Variants in SNTB1 observed in about 807,000 individuals in gnomAD.
SNTB1 encodes the protein beta-1-syntrophin.
Under a neutral mutation model 48.9 loss-of-function variants are expected in SNTB1, and 36 were observed. That is an observed-to-expected ratio of 0.74 (90% CI 0.56 to 0.97). The LOEUF is 0.97. Ranked by LOEUF, SNTB1 falls within the 50% of genes least tolerant of loss-of-function variation. The probability of loss-of-function intolerance (pLI) is 0.00; values close to 1 mark genes in which losing one functional copy is unlikely to be tolerated. For synonymous variants in SNTB1, 299 were observed against 294.6 expected, an observed-to-expected ratio of 1.01 and a Z score of -0.15; for missense variants, 786 against 703.4, an observed-to-expected ratio of 1.12 and a Z score of -1.33.
chr8:120,542,864 A>G (rs1815314831), intron 5 of SNTB1, among the ~76,000 whole-genome samples: 1 of 152,138 alleles, frequency 6.6e-6, no homozygotes, highest in South Asian at 2.1e-4. Flanking sequence ...TAGTATAAAA[A>G]ATCTCTTTTT....
chr8:120,764,237 A>G (rs1271841109), intron 1 of SNTB1, among the ~76,000 whole-genome samples: 4 of 152,238 alleles, frequency 2.6e-5, no homozygotes, highest in Non-Finnish European at 5.9e-5. Context: ...ATATCCATGC[A>G]ATGATATACT....
At chr8:120,720,195 T>C (rs899307605) in intron 1 of SNTB1, among the ~76,000 whole-genome samples, 1 of 152,154 alleles carries the variant, frequency 6.6e-6, no homozygotes, top group African/African-American at 2.4e-5. Flanking sequence ...GGCAGCCCAA[T>C]CCTGAGCATA....
At chr8:120,796,524 T>C (rs1820122467) in intron 1 of SNTB1, among the ~76,000 whole-genome samples, 1 of 151,462 alleles carries the variant, frequency 6.6e-6, no homozygotes, top group Non-Finnish European at 1.5e-5. Flanking sequence ...AGGTCTGGAG[T>C]TAAAAACTGA....
intron 1 of SNTB1, among the ~76,000 whole-genome samples, chr8:120,715,666 T>C (rs1037028096): frequency 6.6e-6 from 1 of 152,208 alleles, no homozygotes; most frequent in African/African-American, 2.4e-5. Flanking sequence ...CTGAGACAGT[T>C]ACTTAGCACA....
rs1264298484 is a variant in SNTB1, at chr8:120,607,867, A to C, written c.996+24577T>G. Among the ~76,000 whole-genome samples the C allele has an allele frequency of 2.6e-5, 4 of 152,224 alleles. No individual in the cohort carries two copies. In the East Asian group the frequency reaches 7.7e-4, roughly 29 times the overall value. ...ATGTTGTAACTGATGTCCACACTTA[A>C]GTCTGGACCCTTGAAAGAATGCACA... On this transcript the variant is annotated intron_variant, in intron 3 of 6. Coordinates refer to ENST00000517992, the MANE Select transcript of SNTB1 (RefSeq NM_021021.4).
intron 4 of SNTB1, among the ~76,000 whole-genome samples, chr8:120,560,946 G>A (rs115722812): frequency 0.016 from 2,451 of 152,110 alleles, 64 homozygotes; most frequent in African/African-American, 0.057. Context: ...TTGAACCCAC[G>A]GCTATATGAC....
intron 2 of SNTB1, among the ~76,000 whole-genome samples, chr8:120,678,827 C>G (rs988410528): frequency 6.6e-6 from 1 of 152,042 alleles, no homozygotes; most frequent in Non-Finnish European, 1.5e-5. Flanking sequence ...TTGCTCTGTG[C>G]TCCAAGAGGT....
chr8:120,736,257 C>T (rs986196371), intron 1 of SNTB1, among the ~76,000 whole-genome samples: 47 of 152,108 alleles, frequency 3.1e-4, no homozygotes, highest in African/African-American at 1.1e-3. Flanking sequence ...TGGGGATTAC[C>T]ATTCAAGATG....
At chr8:120,582,723 C>T (rs1442194985) in intron 3 of SNTB1, among the ~76,000 whole-genome samples, 1 of 151,396 alleles carries the variant, frequency 6.6e-6, no homozygotes, top group African/African-American at 2.4e-5. Context: ...AACACATGGA[C>T]ACAGGGAGGG....
chr8:120,563,423 C>T (rs539889051), intron 4 of SNTB1, among the ~76,000 whole-genome samples: 1 of 152,182 alleles, frequency 6.6e-6, no homozygotes, highest in Non-Finnish European at 1.5e-5. Flanking sequence ...CCTGAGCGCA[C>T]TGCTATAAAC....
At chr8:120,735,194 G>A (rs1295287111) in intron 1 of SNTB1, among the ~76,000 whole-genome samples, 2 of 152,174 alleles carry the variant, frequency 1.3e-5, no homozygotes, top group African/African-American at 4.8e-5. Flanking sequence ...CCCAAAGGCA[G>A]CTTGAATGTC....
intron 4 of SNTB1, among the ~76,000 whole-genome samples, chr8:120,568,970 A>G (rs1015338557): frequency 6.6e-6 from 1 of 151,924 alleles, no homozygotes; most frequent in Non-Finnish European, 1.5e-5. Context: ...TTTTTACTAC[A>G]TCTTCTGTTT....
At chr8:120,563,782 T>G (rs1345102344) in intron 4 of SNTB1, among the ~76,000 whole-genome samples, 3 of 152,134 alleles carry the variant, frequency 2.0e-5, no homozygotes, top group African/African-American at 4.8e-5. Context: ...AGAAGGGGAC[T>G]GACAGTCACC....
At chr8:120,799,502 G>T (rs934148959) in intron 1 of SNTB1, among the ~76,000 whole-genome samples, 5 of 151,756 alleles carry the variant, frequency 3.3e-5, no homozygotes, top group African/African-American at 1.2e-4. Flanking sequence ...CAAGAAAATG[G>T]TTTGGGAACT....
chr8:120,739,920 G>C lies in SNTB1; in HGVS notation c.572-46012C>G, dbSNP rs555864574. 7.2e-5 allele frequency among the ~76,000 whole-genome samples: 11 copies of C among 152,272 alleles called. No homozygotes were observed. In the South Asian group the frequency reaches 1.9e-3, roughly 26 times the overall value. Reference sequence around the variant, plus strand: ...CCATGTGACATATTCAAATTACAAAGTTAATGGAAGAGTCAGAGCTGGCAT... The same window carrying C: ...CCATGTGACATATTCAAATTACAAACTTAATGGAAGAGTCAGAGCTGGCAT... On this transcript the variant is annotated intron_variant, in intron 1 of 6. Coordinates refer to ENST00000517992, the MANE Select transcript of SNTB1 (RefSeq NM_021021.4).
chr8:120,692,051 T>G (rs1453824726), intron 2 of SNTB1, among the ~76,000 whole-genome samples: 1 of 152,210 alleles, frequency 6.6e-6, no homozygotes, highest in East Asian at 1.9e-4. Flanking sequence ...CTCTGTGTCC[T>G]TCCCAGTCTG....
chr8:120,740,665 G>A (rs1049013762), intron 1 of SNTB1, among the ~76,000 whole-genome samples: 1 of 152,102 alleles, frequency 6.6e-6, no homozygotes, highest in African/African-American at 2.4e-5. Context: ...GGAAGCTCTG[G>A]CCCAAATGGA....
intron 3 of SNTB1, among the ~76,000 whole-genome samples, chr8:120,597,977 A>G (rs1334025312): frequency 6.6e-6 from 1 of 152,258 alleles, no homozygotes; most frequent in African/African-American, 2.4e-5. Context: ...GTTTCTTGGT[A>G]GATTTTCCAA....
At chr8:120,787,527 A>T (rs1291944850) in intron 1 of SNTB1, among the ~76,000 whole-genome samples, 1 of 152,140 alleles carries the variant, frequency 6.6e-6, no homozygotes, top group African/African-American at 2.4e-5. Flanking sequence ...AGAGGTACAT[A>T]TTTTAAAGAA....
Sources: gnomAD v4.1 joint callset for allele counts (sites outside exome capture counted in the v4.1 genomes callset) on GRCh38, gnomAD v4.1.1 for gene constraint, MANE v1.5 for transcripts, NCBI Gene and HGNC (gene_info 2026-07-23, HGNC 2026-07-21) for gene names.